MAPKAP1: variants seen among roughly 807,000 people sequenced by gnomAD.
The protein encoded by MAPKAP1 is MAPK associated protein 1, also known as target of rapamycin complex 2 subunit MAPKAP1.
Under a neutral mutation model 65.7 loss-of-function variants are expected in MAPKAP1, and 20 were observed. That is an observed-to-expected ratio of 0.30 (90% CI 0.21 to 0.44). The LOEUF (loss-of-function observed/expected upper bound fraction) is 0.44. Among genes scored for constraint, MAPKAP1 ranks in the 20% least tolerant of loss-of-function variants. The probability of loss-of-function intolerance (pLI) is 1.00; values close to 1 mark genes in which losing one functional copy is unlikely to be tolerated. For synonymous variants in MAPKAP1, 222 were observed against 244.3 expected, an observed-to-expected ratio of 0.91 and a Z score of 0.85; for missense variants, 423 against 648.0, an observed-to-expected ratio of 0.65 and a Z score of 3.77.
chr9:125,485,447 G>A (rs1854470440), intron 8 of MAPKAP1, among the ~76,000 whole-genome samples: 1 of 152,218 alleles, frequency 6.6e-6, no homozygotes, highest in African/African-American at 2.4e-5. Context: ...TGGCTCCACG[G>A]CCTCCTGAAT....
chr9:125,476,306 G>A (rs528896558), intron 9 of MAPKAP1, among the ~76,000 whole-genome samples: 1 of 152,294 alleles, frequency 6.6e-6, no homozygotes, highest in Admixed American at 6.5e-5. Context: ...AGGAAATGCT[G>A]TCACAATAGG....
intron 11 of MAPKAP1, among the ~76,000 whole-genome samples, chr9:125,443,394 G>A (rs562277355): frequency 5.9e-5 from 9 of 152,168 alleles, no homozygotes; most frequent in African/African-American, 1.9e-4. Context: ...TCTGGTCCTC[G>A]CCCCTGCTCT....
chr9:125,539,594 T>C (rs1830180112), intron 7 of MAPKAP1, among the ~76,000 whole-genome samples: 3 of 152,196 alleles, frequency 2.0e-5, no homozygotes, highest in African/African-American at 4.8e-5. Flanking sequence ...GGTCACTGAT[T>C]GTGAGGGTAA....
At chr9:125,536,039 T>C (rs1201760901) in intron 7 of MAPKAP1, among the ~76,000 whole-genome samples, 1 of 152,202 alleles carries the variant, frequency 6.6e-6, no homozygotes, top group Non-Finnish European at 1.5e-5. Flanking sequence ...TGGTCAAACA[T>C]AGTTTTGGCA....
At chr9:125,689,853 G>A (rs1176254373) in intron 1 of MAPKAP1, among the ~76,000 whole-genome samples, 7 of 151,156 alleles carry the variant, frequency 4.6e-5, no homozygotes, top group African/African-American at 1.2e-4. Flanking sequence ...TTGAGAGGCC[G>A]AGGTGGGCGG....
At chr9:125,580,664 C>T (rs1589308563) in intron 5 of MAPKAP1, among the ~76,000 whole-genome samples, 1 of 139,008 alleles carries the variant, frequency 7.2e-6, no homozygotes, top group Non-Finnish European at 1.6e-5. Flanking sequence ...TGCACATGTA[C>T]CCTAGAACTT....
At chr9:125,559,555 G>T in intron 6 of MAPKAP1, 78 bp downstream of exon 6, 1 of 1,408,962 alleles carries the variant, frequency 7.1e-7, no homozygotes, top group Non-Finnish European at 9.7e-7. Context: ...TTTATTTGAT[G>T]AACAAAACCA....
At position 125,447,275 on chromosome 9, in the gene MAPKAP1, C is replaced by A; in HGVS notation, c.1346-2677G>T. ...GAGGAAGAGTCCCAACATTCCCCCA[C>A]TCTCCCTCAAGCCTCCGGTCTGTTT... On this transcript the variant is annotated intron_variant, in intron 10 of 11. Coordinates refer to ENST00000265960, the MANE Select transcript of MAPKAP1 (RefSeq NM_001006617.3). The surrounding 1 kb of genome is among the most constrained non-coding windows in gnomAD (Gnocchi z 4.5). 2 of 395,376 alleles carry A rather than the reference C, an allele frequency of 5.1e-6. No individual in the cohort carries two copies. The highest frequency in any genetic ancestry group is 5.2e-5 in the Admixed American group (2 of 38,266). The allele number at this position is 395,376 out of a possible 1,614,324, so 24.5% of individuals were successfully genotyped here.
chr9:125,652,119 T>C, intron 4 of MAPKAP1: 1 of 1,296,432 alleles, frequency 7.7e-7, no homozygotes, highest in Non-Finnish European at 1.0e-6. Flanking sequence ...TCGCTGACCT[T>C]TTCTGAGTTT....
intron 1 of MAPKAP1, among the ~76,000 whole-genome samples, chr9:125,676,946 A>C (rs1173801198): frequency 1.3e-5 from 2 of 152,204 alleles, no homozygotes; most frequent in East Asian, 3.8e-4. Context: ...TCCAAGAGGG[A>C]GGAATCTAGT....
intron 4 of MAPKAP1, among the ~76,000 whole-genome samples, chr9:125,588,930 A>G (rs186840908): frequency 2.6e-4 from 40 of 152,240 alleles, no homozygotes; most frequent in Admixed American, 1.2e-3. Flanking sequence ...AGTACCCTCA[A>G]TATACCAGCA....
At chr9:125,525,196 C>T (rs1010599083) in intron 7 of MAPKAP1, among the ~76,000 whole-genome samples, 7 of 152,146 alleles carry the variant, frequency 4.6e-5, no homozygotes, top group Non-Finnish European at 1.0e-4. Flanking sequence ...AAGGAGGGGA[C>T]AGGACTAACA....
chr9:125,516,972 C>G (rs1000715258), intron 7 of MAPKAP1, among the ~76,000 whole-genome samples: 1 of 152,176 alleles, frequency 6.6e-6, no homozygotes, highest in Admixed American at 6.5e-5. Flanking sequence ...CCCTTAACAA[C>G]GTGCTTTCCA....
At chr9:125,526,827 G>A (rs1829783529) in intron 7 of MAPKAP1, among the ~76,000 whole-genome samples, 1 of 150,578 alleles carries the variant, frequency 6.6e-6, no homozygotes, top group Non-Finnish European at 1.5e-5. Flanking sequence ...CCAAGCTGGA[G>A]TGCAGTGGTG....
chr9:125,620,541 T>C (rs1832866528), intron 4 of MAPKAP1, among the ~76,000 whole-genome samples: 1 of 152,148 alleles, frequency 6.6e-6, no homozygotes, highest in Admixed American at 6.5e-5. Context: ...ATGCACAAAA[T>C]GCCATATGTA....
intron 4 of MAPKAP1, among the ~76,000 whole-genome samples, chr9:125,601,449 GTA>G (rs1308198590): frequency 2.0e-5 from 3 of 152,022 alleles, no homozygotes; most frequent in East Asian, 3.8e-4. Context: ...CTATACAGTG[GTA>G]GGTTCGTAAC....
intron 4 of MAPKAP1, among the ~76,000 whole-genome samples, chr9:125,589,591 T>G (rs1469737819): frequency 6.6e-6 from 1 of 152,216 alleles, no homozygotes; most frequent in Non-Finnish European, 1.5e-5. Context: ...TGAGCAATCA[T>G]GCGGTTCCAT....
At chr9:125,475,558 C>T (rs532787890) in intron 9 of MAPKAP1, among the ~76,000 whole-genome samples, 2 of 152,298 alleles carry the variant, frequency 1.3e-5, no homozygotes, top group East Asian at 3.9e-4. Context: ...TTAGGCTTGG[C>T]ACGCAAAACA....
At chr9:125,549,264 T>C (rs1830516131) in intron 6 of MAPKAP1, among the ~76,000 whole-genome samples, 1 of 152,326 alleles carries the variant, frequency 6.6e-6, no homozygotes, top group East Asian at 1.9e-4. Context: ...CTACGAGCAG[T>C]TCTCGAGTCT....
Sources: gnomAD v4.1 joint callset for allele counts (sites outside exome capture counted in the v4.1 genomes callset) on GRCh38, gnomAD v4.1.1 for gene constraint, Gnocchi (gnomAD v3.1) non-coding constraint, MANE v1.5 for transcripts, NCBI Gene and HGNC (gene_info 2026-07-23, HGNC 2026-07-21) for gene names.